The following PDE4B variants were observed in gnomAD, a reference collection of about 807,000 sequenced individuals.
PDE4B encodes the protein phosphodiesterase 4B.
Under a neutral mutation model 82.2 loss-of-function variants are expected in PDE4B, and 20 were observed. The ratio of observed to expected loss-of-function variants is 0.24; its 90% CI spans 0.17 to 0.35. The LOEUF is 0.35. Ranked by LOEUF, PDE4B falls within the 10% of genes least tolerant of loss-of-function variation. PDE4B has a pLI of 1.00. For synonymous variants in PDE4B, 320 were observed against 318.9 expected (o/e 1.00, Z -0.04); for missense variants, 655 against 907.2 (o/e 0.72, Z 3.57).
chr1:66,056,506 A>G (rs1021571474), intron 3 of PDE4B, among the ~76,000 whole-genome samples: 3 of 73,004 alleles, frequency 4.1e-5, no homozygotes, highest in African/African-American at 1.7e-4. Flanking sequence ...CTATCTATCT[A>G]TCTATCTATC....
intron 1 of PDE4B, among the ~76,000 whole-genome samples, chr1:65,851,789 C>G (rs1646335997): frequency 6.6e-6 from 1 of 151,838 alleles, no homozygotes; most frequent in African/African-American, 2.4e-5. Context: ...TCTCACCTTG[C>G]TGCTCTAGTG....
intron 3 of PDE4B, among the ~76,000 whole-genome samples, chr1:66,232,276 A>G (rs1164857748): frequency 6.6e-6 from 1 of 152,240 alleles, no homozygotes; most frequent in African/African-American, 2.4e-5. Context: ...CAGTGCAGAG[A>G]CAGTGCCTCA....
intron 3 of PDE4B, among the ~76,000 whole-genome samples, chr1:65,948,480 T>C (rs531238300): frequency 2.5e-4 from 38 of 152,078 alleles, no homozygotes; most frequent in Admixed American, 5.2e-4. Context: ...GGGAGAAAGA[T>C]AGAGGCTGAG....
intron 7 of PDE4B, among the ~76,000 whole-genome samples, chr1:66,276,004 G>A (rs1049299471): frequency 6.6e-6 from 1 of 152,116 alleles, no homozygotes; most frequent in Admixed American, 6.5e-5. Context: ...AATCTTACAG[G>A]CAGCCAGGTC....
intron 3 of PDE4B, among the ~76,000 whole-genome samples, chr1:66,073,092 G>T (rs1300740240): frequency 1.3e-5 from 2 of 151,078 alleles, no homozygotes; most frequent in Admixed American, 6.6e-5. Flanking sequence ...CAATGCCCTC[G>T]CTGGGGTTTG....
intron 3 of PDE4B, among the ~76,000 whole-genome samples, chr1:66,122,881 T>C (rs189279072): frequency 1.3e-5 from 2 of 151,954 alleles, no homozygotes; most frequent in African/African-American, 4.8e-5. Flanking sequence ...AATTTTTGTA[T>C]TTTTAGTAGA....
At chr1:66,189,973 C>T (rs765918376) in intron 3 of PDE4B, among the ~76,000 whole-genome samples, 15 of 152,072 alleles carry the variant, frequency 9.9e-5, no homozygotes, top group Non-Finnish European at 1.5e-4. Flanking sequence ...TTTTATCTAC[C>T]TTTGGTCTTT....
chr1:66,107,344 T>G (rs552289528), intron 3 of PDE4B, among the ~76,000 whole-genome samples: 3 of 152,126 alleles, frequency 2.0e-5, no homozygotes, highest in Admixed American at 1.3e-4. Flanking sequence ...TTATTTTCAG[T>G]GCACACCTGA....
intron 3 of PDE4B, among the ~76,000 whole-genome samples, chr1:66,130,722 C>T (rs1474088737): frequency 2.0e-5 from 3 of 152,184 alleles, no homozygotes; most frequent in African/African-American, 7.2e-5. Context: ...TTTTGAACAT[C>T]GCTGAAGGGT....
chr1:65,899,120 A>G (rs1317632061), intron 1 of PDE4B, among the ~76,000 whole-genome samples: 3 of 151,664 alleles, frequency 2.0e-5, no homozygotes, highest in African/African-American at 7.3e-5. Context: ...AATCAGCAAG[A>G]AAAAAACAAA....
At chr1:66,060,538 A>G (rs1655531085) in intron 3 of PDE4B, among the ~76,000 whole-genome samples, 1 of 152,218 alleles carries the variant, frequency 6.6e-6, no homozygotes, top group African/African-American at 2.4e-5. Flanking sequence ...GATTTAGTAT[A>G]AGATGAAAAC....
At chr1:66,227,365 CTTAAG>C (rs1293154562) in intron 3 of PDE4B, among the ~76,000 whole-genome samples, 1 of 152,160 alleles carries the variant, frequency 6.6e-6, no homozygotes, top group African/African-American at 2.4e-5. Flanking sequence ...GAGCAAAATT[CTTAAG>C]TTATCTAGAC....
At chr1:66,072,185 C>T (rs1377522870) in intron 3 of PDE4B, among the ~76,000 whole-genome samples, 1 of 152,040 alleles carries the variant, frequency 6.6e-6, no homozygotes, top group African/African-American at 2.4e-5. Context: ...TTCTGAAGGT[C>T]CATGAATACC....
At chr1:66,280,859 C>G (rs527300471) in intron 7 of PDE4B, among the ~76,000 whole-genome samples, 1 of 152,068 alleles carries the variant, frequency 6.6e-6, no homozygotes, top group Non-Finnish European at 1.5e-5. Flanking sequence ...AGTTTAGAAT[C>G]TAGAGAAAAT....
At chr1:65,802,398 C>G (rs1475638359) in intron 1 of PDE4B, among the ~76,000 whole-genome samples, 2 of 152,162 alleles carry the variant, frequency 1.3e-5, no homozygotes, top group African/African-American at 4.8e-5. Flanking sequence ...CACACAGCAG[C>G]TGAGTCCGTC....
chr1:65,942,954 G>T (rs1036896975), intron 3 of PDE4B, among the ~76,000 whole-genome samples: 2 of 151,870 alleles, frequency 1.3e-5, no homozygotes. Context: ...CTCCCATTTT[G>T]TAGGTTGTCT....
intron 8 of PDE4B, among the ~76,000 whole-genome samples, chr1:66,348,285 T>C (rs1293828454): frequency 1.3e-5 from 2 of 152,202 alleles, no homozygotes; most frequent in African/African-American, 4.8e-5. Flanking sequence ...AGTGACTGAA[T>C]AATGTACCTT....
At position 66,142,554 on chromosome 1, in the gene PDE4B, T is replaced by C. The variant is rs945260200; in HGVS notation, c.282-104906T>C. On this transcript the variant is annotated intron_variant, in intron 3 of 16. Transcript: ENST00000341517. ...GTGTTAGAAAGCAAGCATAATAGAG[T>C]TCATTTACAAGAACACCTGCTTTAA... 3.3e-5 allele frequency among the ~76,000 whole-genome samples: 5 copies of C among 151,992 alleles called. No homozygotes were observed. The East Asian group carries it at 9.6e-4, about 29-fold the overall frequency.
In PDE4B at chr1:66,075,447, T is replaced by C. The variant is rs114512268; in HGVS notation, c.281+156612T>C. Among the ~76,000 whole-genome samples the C allele has an allele frequency of 8.2e-3, 1,247 of 152,244 alleles. 20 individuals carry two copies. The highest frequency in any genetic ancestry group is 0.029 in the African/African-American group (1,193 of 41,552). On this transcript the variant is annotated intron_variant, in intron 3 of 16. Coordinates refer to ENST00000341517, the MANE Select transcript of PDE4B (RefSeq NM_002600.4). ...TTCTAAGTGAGATTTCCAGGTTTTA[T>C]AGTTACTGGTTTACATGCAGTTTGT... is the stretch of plus-strand genomic sequence containing the variant.
Sources: allele counts gnomAD v4.1 joint callset (sites outside exome capture counted in the v4.1 genomes callset), GRCh38; gene constraint gnomAD v4.1.1; transcripts MANE v1.5; gene names NCBI Gene and HGNC (gene_info 2026-07-23, HGNC 2026-07-21).